NKD1: variants seen among roughly 807,000 people sequenced by gnomAD.
NKD1 encodes the protein protein naked cuticle homolog 1.
In NKD1, 21 loss-of-function variants were observed where a neutral mutation model predicts 56.0. The ratio of observed to expected loss-of-function variants is 0.38; its 90% CI spans 0.27 to 0.54. The LOEUF is 0.54. NKD1 is among the 20% of genes least tolerant of loss of function. NKD1 has a pLI of 0.82. For synonymous variants in NKD1, 263 were observed against 265.7 expected (o/e 0.99, Z 0.10); for missense variants, 578 against 642.7 (o/e 0.90, Z 1.09).
intron 3 of NKD1, among the ~76,000 whole-genome samples, chr16:50,596,839 C>T (rs186686766): frequency 6.6e-6 from 1 of 152,268 alleles, no homozygotes; most frequent in African/African-American, 2.4e-5. Flanking sequence ...GAACCCAAAC[C>T]TGAAGGAGGG....
At chr16:50,581,584 G>T (rs1961117377) in intron 3 of NKD1, among the ~76,000 whole-genome samples, 1 of 152,246 alleles carries the variant, frequency 6.6e-6, no homozygotes, top group South Asian at 2.1e-4. Flanking sequence ...TTTGCCTTCT[G>T]CCAGCTCCTA....
At chr16:50,560,259 A>G (rs1442132654) in intron 3 of NKD1, among the ~76,000 whole-genome samples, 2 of 152,198 alleles carry the variant, frequency 1.3e-5, no homozygotes, top group Non-Finnish European at 2.9e-5. Context: ...GGTCCTGGGC[A>G]CGTGCCTGCT....
At chr16:50,548,774 T>G in intron 2 of NKD1, 25 bp downstream of exon 2, 2 of 1,388,370 alleles carry the variant, frequency 1.4e-6, no homozygotes, top group Non-Finnish European at 1.8e-6. Flanking sequence ...GGCGCAGACC[T>G]CGGGGATGGA....
intron 3 of NKD1, among the ~76,000 whole-genome samples, chr16:50,599,003 G>A (rs1961537555): frequency 6.6e-6 from 1 of 151,908 alleles, no homozygotes; most frequent in South Asian, 2.1e-4. Flanking sequence ...TGGGAAGGCC[G>A]TGTGTGTGTG....
chr16:50,634,058 T>A lies in NKD1; in HGVS notation c.*277T>A. On this transcript the variant is annotated 3_prime_UTR_variant, in exon 10 of 10. Transcript: ENST00000268459. The stretch of plus-strand genomic sequence containing the variant: ...AGAGGCTCCCTCGGGGCTCGGGATC[T>A]GCAGCATCTATGTGGATCAGCCCAC... 3.3e-6 allele frequency: 1 copy of A among 307,480 alleles called. No individual in the cohort carries two copies. Among genetic ancestry groups the A allele is most frequent in the Non-Finnish European group, 5.9e-6 (1 of 169,300 alleles). 19.0% of individuals were successfully genotyped at this position (307,480 alleles called of 1,614,324 possible). A position where few individuals can be genotyped will look rare whatever the true frequency, so the allele number is the denominator to read the frequency against.
intron 3 of NKD1, among the ~76,000 whole-genome samples, chr16:50,602,784 C>T (rs1452899760): frequency 1.3e-5 from 2 of 152,242 alleles, no homozygotes; most frequent in African/African-American, 4.8e-5. Flanking sequence ...GTCTGGCCCT[C>T]TGCCCGGGAG....
chr16:50,581,497 C>T (rs1961114942), intron 3 of NKD1, among the ~76,000 whole-genome samples: 1 of 152,238 alleles, frequency 6.6e-6, no homozygotes, highest in Non-Finnish European at 1.5e-5. Flanking sequence ...ATGTCTATTG[C>T]ATTCCTGCCT....
intron 4 of NKD1, among the ~76,000 whole-genome samples, chr16:50,618,552 C>T (rs1382532223): frequency 6.6e-6 from 1 of 152,252 alleles, no homozygotes; most frequent in Non-Finnish European, 1.5e-5. Flanking sequence ...GGCCTGGCGC[C>T]TGCCCCTGGC....
Position 50,633,241 on chromosome 16 carries a change from T to G in NKD1, c.873T>G (p.Asn291Lys). 1.2e-6 allele frequency: 2 copies of G among 1,613,670 alleles called. No homozygotes were observed. The highest frequency in any genetic ancestry group is 1.7e-6 in the Non-Finnish European group (2 of 1,179,812). Reference sequence around the variant, plus strand: ...CAGAACTGCCCCCCCGCACCTCCAATCCCACTCGATCTCGCTCCCATGAGC... The same window carrying G: ...CAGAACTGCCCCCCCGCACCTCCAAGCCCACTCGATCTCGCTCCCATGAGC... ...QKSELPPRTS[N>K]PTRSRSHEPE... Residue 291 changes from asparagine to lysine, a missense_variant, in exon 10 of 10, where the codon AAT becomes AAG. By Grantham distance (94) the Asn-to-Lys change is moderately conservative. Coordinates refer to ENST00000268459, the MANE Select transcript of NKD1 (RefSeq NM_033119.5). This position sits in a 1 kb window ranked among gnomAD's most constrained non-coding sequence, Gnocchi z 4.9.
At chr16:50,622,365 G>C (rs369242678) in intron 5 of NKD1, among the ~76,000 whole-genome samples, 2 of 152,238 alleles carry the variant, frequency 1.3e-5, no homozygotes, top group African/African-American at 4.8e-5. Flanking sequence ...TGGCTGCACA[G>C]TCTGTTCCCC....
intron 4 of NKD1, among the ~76,000 whole-genome samples, chr16:50,616,929 G>T (rs994386915): frequency 9.9e-5 from 15 of 152,178 alleles, no homozygotes; most frequent in African/African-American, 3.6e-4. Flanking sequence ...TCTTGGATCC[G>T]GTCTCCTAGT....
At chr16:50,566,943 C>T (rs942876976) in intron 3 of NKD1, among the ~76,000 whole-genome samples, 7 of 152,124 alleles carry the variant, frequency 4.6e-5, no homozygotes, top group South Asian at 2.1e-4. Flanking sequence ...CTCTTACATC[C>T]GTCATTCCAA....
intron 3 of NKD1, among the ~76,000 whole-genome samples, chr16:50,589,983 G>A (rs1353555630): frequency 1.3e-5 from 2 of 151,964 alleles, no homozygotes; most frequent in African/African-American, 2.4e-5. Context: ...GAGTAGCTGG[G>A]ACTACAGTTG....
At position 50,633,113 on chromosome 16, in the gene NKD1, C is replaced by A; in HGVS notation, c.824-79C>A. 2 of 1,312,192 alleles carry A rather than the reference C, an allele frequency of 1.5e-6. No homozygotes were observed. The highest frequency in any genetic ancestry group is 2.1e-6 in the Non-Finnish European group (2 of 973,726). The allele number at this position is 1,312,192 out of a possible 1,614,324, so 81.3% of individuals were successfully genotyped here. ...AGCTCTGGTTTTGGAGAACTGGGGG[C>A]GGGGGTGATGTCTGGGGTATAGCGC... On this transcript the variant is annotated intron_variant, in intron 9 of 9. Transcript: ENST00000268459. The surrounding 1 kb of genome is among the most constrained non-coding windows in gnomAD (Gnocchi z 4.9).
intron 3 of NKD1, among the ~76,000 whole-genome samples, chr16:50,586,953 A>C (rs891339981): frequency 6.6e-6 from 1 of 152,216 alleles, no homozygotes; most frequent in Non-Finnish European, 1.5e-5. Context: ...GTCTGAAGGC[A>C]GGAAGCTGGC....
chr16:50,608,482 G>T, intron 4 of NKD1, 122 bp downstream of exon 4: 2 of 689,702 alleles, frequency 2.9e-6, no homozygotes, highest in Non-Finnish European at 2.7e-6. Context: ...GGGACCTTGT[G>T]ACTCTGGGTG....
intron 3 of NKD1, among the ~76,000 whole-genome samples, chr16:50,580,088 C>T (rs1316054023): frequency 2.0e-5 from 3 of 152,226 alleles, no homozygotes; most frequent in African/African-American, 7.2e-5. Flanking sequence ...TGCACTCTAA[C>T]CCACTAAGCA....
At position 50,618,199 on chromosome 16, in the gene NKD1, A is replaced by G. The variant is rs538336991; in HGVS notation, c.260-3403A>G. Among the ~76,000 whole-genome samples, 6 of 152,194 alleles carry G rather than the reference A, an allele frequency of 3.9e-5. No homozygotes were observed. In the East Asian group the frequency reaches 7.7e-4, roughly 20 times the overall value. ...TTCTTCCAAATGAGCAGTGTCTCCTATAGTTCCTCAGACTTTCAATTGAAG... is the reference window on the plus strand; with the variant it reads ...TTCTTCCAAATGAGCAGTGTCTCCTGTAGTTCCTCAGACTTTCAATTGAAG... On this transcript the variant is annotated intron_variant, in intron 4 of 9. Coordinates refer to ENST00000268459, the MANE Select transcript of NKD1 (RefSeq NM_033119.5).
chr16:50,633,764 C>A lies in NKD1; in HGVS notation c.1396C>A (p.His466Asn), dbSNP rs1483800080. 9 of 1,499,808 alleles carry A rather than the reference C, an allele frequency of 6.0e-6. No individual in the cohort carries two copies. Among genetic ancestry groups the A allele is most frequent in the Non-Finnish European group, 8.1e-6 (9 of 1,116,022 alleles). 92.9% of individuals were successfully genotyped at this position (1,499,808 alleles called of 1,614,324 possible). Residue 466 changes from histidine to asparagine, a missense_variant, in exon 10 of 10, where the codon CAC becomes AAC. His to Asn is a moderately conservative substitution (Grantham distance 68). Transcript: ENST00000268459. The surrounding 1 kb of genome is among the most constrained non-coding windows in gnomAD (Gnocchi z 4.9). ...CCATGAACATCACCACCATTACCACCACTTCTACCAGACATAGAGCCCCTC... is the reference window on the plus strand; with the variant it reads ...CCATGAACATCACCACCATTACCACAACTTCTACCAGACATAGAGCCCCTC... ...HHHEHHHHYHHFYQT is the reference protein window; with the variant it reads ...HHHEHHHHYHNFYQT
Sources: gnomAD v4.1 joint callset for allele counts (sites outside exome capture counted in the v4.1 genomes callset) on GRCh38, gnomAD v4.1.1 for gene constraint, Gnocchi (gnomAD v3.1) non-coding constraint, MANE v1.5 for transcripts, NCBI Gene and HGNC (gene_info 2026-07-23, HGNC 2026-07-21) for gene names.